The following CPNE2 variants were observed in gnomAD, a reference collection of about 807,000 sequenced individuals.
CPNE2 encodes the protein copine-2.
A neutral mutation model predicts 69.7 loss-of-function variants in CPNE2; 42 were observed. The observed-to-expected ratio is 0.60, with a 90% CI of 0.47 to 0.78. The LOEUF (loss-of-function observed/expected upper bound fraction) is 0.78. CPNE2 is among the 30% of genes least tolerant of loss of function. The pLI, the probability that CPNE2 is intolerant of heterozygous loss-of-function variation, is 0.00. For missense variants in CPNE2, 587 were observed against 732.0 expected (o/e 0.80, Z 2.29); for synonymous variants, 294 against 289.8 (o/e 1.01, Z -0.15).
At chr16:57,102,186 G>A (rs2069618887) in intron 1 of CPNE2, among the ~76,000 whole-genome samples, 1 of 152,060 alleles carries the variant, frequency 6.6e-6, no homozygotes, top group African/African-American at 2.4e-5. Flanking sequence ...TCCTGAGCTC[G>A]AGATCCACCT....
chr16:57,132,109 G>A (rs1477323668), intron 12 of CPNE2, among the ~76,000 whole-genome samples: 1 of 152,188 alleles, frequency 6.6e-6, no homozygotes, highest in Non-Finnish European at 1.5e-5. Context: ...CCCCAGGCCT[G>A]AGCAAACAGA....
At chr16:57,116,121 C>T (rs974117997) in intron 4 of CPNE2, among the ~76,000 whole-genome samples, 1 of 152,148 alleles carries the variant, frequency 6.6e-6, no homozygotes, top group East Asian at 1.9e-4. Flanking sequence ...TGTGTGTTCC[C>T]GTGTGTTACT....
At chr16:57,097,792 C>T (rs2069587089) in intron 1 of CPNE2, among the ~76,000 whole-genome samples, 2 of 152,234 alleles carry the variant, frequency 1.3e-5, no homozygotes, top group Admixed American at 6.5e-5. Flanking sequence ...CCCATTCCCT[C>T]CTCCATGGGA....
chr16:57,145,634 C>T, intron 14 of CPNE2: 2 of 210,466 alleles, frequency 9.5e-6, no homozygotes, highest in South Asian at 6.5e-5. Flanking sequence ...CCCCCTGCGC[C>T]AGCCGTGGGC....
At chr16:57,127,787 G>A (rs1229502790) in intron 11 of CPNE2, 62 bp from the exon 12 acceptor site, 4 of 1,551,738 alleles carry the variant, frequency 2.6e-6, no homozygotes, top group Middle Eastern at 3.3e-4. Context: ...CCAGCCCTGG[G>A]CAGAGGGTCG....
intron 8 of CPNE2, among the ~76,000 whole-genome samples, 180 bp downstream of exon 8, chr16:57,121,371 G>A (rs1322923314): frequency 6.6e-6 from 1 of 152,180 alleles, no homozygotes; most frequent in Non-Finnish European, 1.5e-5. Flanking sequence ...GATTTGGGTG[G>A]GGATTGAATG....
Position 57,110,821 on chromosome 16 carries a change from G to A in CPNE2, c.79G>A (p.Glu27Lys). Residue 27 changes from glutamate (E) to lysine (K), a missense_variant, in exon 2 of 16, where the codon GAG becomes AAG. Glu to Lys is a moderately conservative substitution (Grantham distance 56, BLOSUM62 1). Coordinates refer to ENST00000290776, the MANE Select transcript of CPNE2 (RefSeq NM_152727.6). The part of the protein sequence containing the change: ...MGPQYCVCKV[E>K]LSVSGQNLLD... ...CCCCCAGTATTGCGTGTGCAAGGTG[G>A]AGCTGTCAGTGAGTGGCCAGAACCT... is the stretch of plus-strand genomic sequence containing the variant. 6.2e-7 allele frequency: 1 copy of A among 1,614,052 alleles called. No homozygotes were observed. The highest frequency in any genetic ancestry group is 8.5e-7 in the Non-Finnish European group (1 of 1,179,956).
At chr16:57,135,379 C>T (rs541706575) in intron 13 of CPNE2, among the ~76,000 whole-genome samples, 1 of 152,298 alleles carries the variant, frequency 6.6e-6, no homozygotes, top group East Asian at 1.9e-4. Flanking sequence ...AGTTAAGAAA[C>T]TATTAGAGGC....
chr16:57,105,713 C>G (rs946451834), intron 1 of CPNE2, among the ~76,000 whole-genome samples: 1 of 152,164 alleles, frequency 6.6e-6, no homozygotes, highest in Non-Finnish European at 1.5e-5. Flanking sequence ...CCTCAGTTGA[C>G]CCATCTGTAA....
In CPNE2 at chr16:57,110,940, G is replaced by A. The variant is rs771548014; in HGVS notation, c.180+18G>A. On this transcript the variant is annotated intron_variant, in intron 2 of 15. Transcript: ENST00000290776. ...GGATCGAGGTGAGGCTCTTCCGTGT[G>A]TCTGCGGTGGGTAAGGGGGTGGCTA... 1 of 1,604,728 alleles carries A rather than the reference G, an allele frequency of 6.2e-7. No individual in the cohort carries two copies. Among genetic ancestry groups the A allele is most frequent in the South Asian group, 1.1e-5 (1 of 89,990 alleles).
chr16:57,117,504 C>A lies in CPNE2; in HGVS notation c.444C>A (p.Ala148=). ...PAGKGLITIA[A]QELSDNRVIT... ...ATGTCCCGGCCTTACAGATCGCTGC[C>A]CAGGAGCTGTCCGACAACCGCGTCA... Residue 148 remains alanine, a synonymous_variant, in exon 5 of 16, where the codon GCC becomes GCA. Coordinates refer to ENST00000290776, the MANE Select transcript of CPNE2 (RefSeq NM_152727.6). The A allele has an allele frequency of 6.2e-7, 1 of 1,613,680 alleles. No individual in the cohort carries two copies. The highest frequency in any genetic ancestry group is 8.5e-7 in the Non-Finnish European group (1 of 1,179,860).
intron 10 of CPNE2, 103 bp from the exon 11 acceptor site, chr16:57,125,757 G>A (rs2145264522): frequency 7.0e-7 from 1 of 1,423,596 alleles, no homozygotes; most frequent in Non-Finnish European, 9.6e-7. Context: ...GCTGGGAGAT[G>A]AGTGGGCTTC....
rs2069958181 is a variant in CPNE2, at chr16:57,146,340, T to G, written c.1539+19T>G. ...CCGCAACGTGAGTGTGGGCCTGGGC[T>G]GGGAGGGGGCGGTTACAGGATCCCA... is the stretch of plus-strand genomic sequence containing the variant. On this transcript the variant is annotated intron_variant, in intron 15 of 15. Coordinates refer to ENST00000290776, the MANE Select transcript of CPNE2 (RefSeq NM_152727.6). The surrounding 1 kb of genome is among the most constrained non-coding windows in gnomAD (Gnocchi z 4.4). 1 of 1,532,528 alleles carries G rather than the reference T, an allele frequency of 6.5e-7. No homozygotes were observed. Among genetic ancestry groups the G allele is most frequent in the South Asian group, 1.2e-5 (1 of 81,934 alleles). The allele number at this position is 1,532,528 out of a possible 1,614,324, so 94.9% of individuals were successfully genotyped here.
chr16:57,132,383 G>C (rs1191791016), intron 12 of CPNE2, among the ~76,000 whole-genome samples: 1 of 152,226 alleles, frequency 6.6e-6, no homozygotes, highest in Non-Finnish European at 1.5e-5. Flanking sequence ...AGGTCTGGGA[G>C]GAGGGGGAGC....
intron 1 of CPNE2, among the ~76,000 whole-genome samples, chr16:57,103,773 G>A (rs2069630866): frequency 6.6e-6 from 1 of 152,172 alleles, no homozygotes; most frequent in Non-Finnish European, 1.5e-5. Flanking sequence ...TGGTTCCCGG[G>A]TTCTACATCG....
intron 10 of CPNE2, chr16:57,125,453 G>C: frequency 2.3e-6 from 1 of 433,800 alleles, no homozygotes; most frequent in South Asian, 1.6e-5. Context: ...TGGAGCAGTG[G>C]CATCTGAGTT....
intron 1 of CPNE2, chr16:57,094,164 C>G (rs1415137354): frequency 4.4e-6 from 2 of 449,692 alleles, no homozygotes; most frequent in Non-Finnish European, 8.9e-6. Flanking sequence ...TGGAAAGAAC[C>G]AGGGACGAAG....
intron 1 of CPNE2, among the ~76,000 whole-genome samples, chr16:57,099,268 T>C (rs1265097441): frequency 6.6e-6 from 1 of 152,232 alleles, no homozygotes; most frequent in Non-Finnish European, 1.5e-5. Flanking sequence ...ATCCGTGTTA[T>C]TGCTACCTGT....
intron 3 of CPNE2, among the ~76,000 whole-genome samples, chr16:57,115,055 C>T (rs1383330188): frequency 6.6e-6 from 1 of 151,236 alleles, no homozygotes; most frequent in Admixed American, 6.6e-5. Flanking sequence ...TGCAGTGAGC[C>T]GTGATCGAGA....
Sources: allele counts gnomAD v4.1 joint callset (sites outside exome capture counted in the v4.1 genomes callset), GRCh38; gene constraint gnomAD v4.1.1; non-coding constraint Gnocchi (gnomAD v3.1); transcripts MANE v1.5; gene names NCBI Gene and HGNC (gene_info 2026-07-23, HGNC 2026-07-21).